SBF2: variants seen among roughly 807,000 people sequenced by gnomAD.
SBF2 encodes the protein myotubularin-related protein 13.
In SBF2, 112 loss-of-function variants were observed where a neutral mutation model predicts 225.2. The observed-to-expected ratio is 0.50, with a 90% confidence interval of 0.43 to 0.58. SBF2 has a LOEUF of 0.58. SBF2 is among the 20% of genes least tolerant of loss of function. The probability of loss-of-function intolerance (pLI) is 0.00; values close to 1 mark genes in which losing one functional copy is unlikely to be tolerated. For missense variants in SBF2, 1,996 were observed against 2,206.2 expected (o/e 0.90, Z 1.91); for synonymous variants, 763 against 773.3 (o/e 0.99, Z 0.22).
rs374502146 is a variant in SBF2 at position 9,809,403 on chromosome 11, C to CA, written c.4156-402dup. 6.1e-3 allele frequency: 1,064 copies of CA among 173,124 alleles called. 5 individuals are homozygous for CA. Among genetic ancestry groups the CA allele is most frequent in the Middle Eastern group, 0.025 (9 of 362 alleles). 10.7% of individuals were successfully genotyped at this position (173,124 alleles called of 1,614,324 possible). On this transcript the variant is annotated intron_variant, in intron 30 of 39. Transcript: ENST00000256190. ...ATAAAATTACCTTACATGATTCCCC[C>CA]AAAAGTAGGTGAGCTATAATTCCAT...
At position 9,911,457 on chromosome 11, in the gene SBF2, C is replaced by T. The variant is rs758991345; in HGVS notation, c.1861-15446G>A. Reference sequence around the variant, plus strand: ...ATATTTTTGTATGGCTATACAATACCGTGGCTTTTAAGCTAAGTGTTATTA... The same window carrying T: ...ATATTTTTGTATGGCTATACAATACTGTGGCTTTTAAGCTAAGTGTTATTA... On this transcript the variant is annotated intron_variant, in intron 16 of 39. Coordinates refer to ENST00000256190, the MANE Select transcript of SBF2 (RefSeq NM_030962.4). 5.9e-5 allele frequency among the ~76,000 whole-genome samples: 9 copies of T among 151,632 alleles called. No homozygotes were observed. The South Asian group carries it at 1.3e-3, about 21-fold the overall frequency.
intron 32 of SBF2, among the ~76,000 whole-genome samples, chr11:9,806,483 C>T (rs867924906): frequency 1.1e-4 from 16 of 152,328 alleles, no homozygotes; most frequent in Middle Eastern, 6.8e-3. Context: ...CCTTTGGCCT[C>T]AGGTAAGCTT....
intron 17 of SBF2, among the ~76,000 whole-genome samples, chr11:9,889,456 C>T: frequency 6.6e-6 from 1 of 152,010 alleles, no homozygotes; most frequent in Non-Finnish European, 1.5e-5. Flanking sequence ...TAAAATTCAG[C>T]AATAAAGAAA....
At chr11:9,869,238 C>T (rs1035370184) in intron 17 of SBF2, among the ~76,000 whole-genome samples, 10 of 152,142 alleles carry the variant, frequency 6.6e-5, no homozygotes, top group Admixed American at 6.5e-4. Flanking sequence ...AAAACATATT[C>T]GATTCACTAT....
At chr11:10,184,120 T>C (rs1453485492) in intron 2 of SBF2, among the ~76,000 whole-genome samples, 1 of 152,196 alleles carries the variant, frequency 6.6e-6, no homozygotes, top group Admixed American at 6.5e-5. Context: ...AATTATTACA[T>C]ATCAACTAAA....
At chr11:9,909,498 C>T (rs1005564623) in intron 16 of SBF2, among the ~76,000 whole-genome samples, 3 of 151,790 alleles carry the variant, frequency 2.0e-5, no homozygotes, top group Admixed American at 1.3e-4. Context: ...AGTGAAACCC[C>T]ACCTCTACTA....
At chr11:9,828,077 T>C in intron 28 of SBF2, 1 of 1,116,778 alleles carries the variant, frequency 9.0e-7, no homozygotes, top group Non-Finnish European at 1.2e-6. Context: ...AAATGCTTTC[T>C]GCTTTTAAGC....
At chr11:10,088,237 C>A (rs968718950) in intron 2 of SBF2, among the ~76,000 whole-genome samples, 1 of 152,002 alleles carries the variant, frequency 6.6e-6, no homozygotes. Context: ...GTTGCCCAGG[C>A]TGGTCTCAAA....
chr11:10,031,239 A>T (rs770686651), intron 3 of SBF2, 69 bp from the exon 4 acceptor site: 2 of 1,434,698 alleles, frequency 1.4e-6, no homozygotes, highest in African/African-American at 2.8e-5. Context: ...CAAAAGATGA[A>T]TATCACCTTA....
chr11:9,832,445 A>C, intron 26 of SBF2, 25 bp from the exon 27 acceptor site: 1 of 1,562,020 alleles, frequency 6.4e-7, no homozygotes, highest in Non-Finnish European at 8.8e-7. Context: ...AATAGAGAAG[A>C]GAATGATTGG....
intron 2 of SBF2, among the ~76,000 whole-genome samples, chr11:10,147,184 G>C (rs187558616): frequency 3.2e-4 from 48 of 152,192 alleles, no homozygotes; most frequent in African/African-American, 1.1e-3. Flanking sequence ...GCTAAAAGCA[G>C]AACTATCATT....
At chr11:10,175,832 CA>C (rs2135266669) in intron 2 of SBF2, among the ~76,000 whole-genome samples, 1 of 152,036 alleles carries the variant, frequency 6.6e-6, no homozygotes, top group African/African-American at 2.4e-5. Context: ...ACAGTGCAAT[CA>C]AACTAGAACT....
At chr11:10,027,000 C>T (rs1220796356) in intron 6 of SBF2, among the ~76,000 whole-genome samples, 1 of 152,078 alleles carries the variant, frequency 6.6e-6, no homozygotes, top group Non-Finnish European at 1.5e-5. Context: ...TTACAGTGTA[C>T]AACACGATGT....
intron 13 of SBF2, among the ~76,000 whole-genome samples, chr11:9,988,573 C>G (rs1301869958): frequency 6.6e-6 from 1 of 151,922 alleles, no homozygotes; most frequent in Non-Finnish European, 1.5e-5. Context: ...AAAAACAATC[C>G]CATCCAAAAG....
rs114783173 is a variant in SBF2 at position 10,139,866 on chromosome 11, A to G, written c.141+54036T>C. Among the ~76,000 whole-genome samples the G allele has an allele frequency of 3.0e-3, 462 of 152,310 alleles. 4 individuals are homozygous for G. The highest frequency in any genetic ancestry group is 0.011 in the African/African-American group (451 of 41,572). On this transcript the variant is annotated intron_variant, in intron 2 of 39. Transcript: ENST00000256190. ...CTACATTCCTGTGTGGCTACTGGCT[A>G]GATCATTCTGCTCCTACCCACTGGG...
At chr11:10,131,252 G>C (rs1275702307) in intron 2 of SBF2, among the ~76,000 whole-genome samples, 1 of 150,434 alleles carries the variant, frequency 6.6e-6, no homozygotes, top group Non-Finnish European at 1.5e-5. Flanking sequence ...TAAAGATAGG[G>C]TCTGGCTCTG....
intron 2 of SBF2, among the ~76,000 whole-genome samples, chr11:10,181,116 T>C (rs1367459601): frequency 1.3e-5 from 2 of 152,084 alleles, no homozygotes; most frequent in Non-Finnish European, 2.9e-5. Flanking sequence ...ACCATCCTAA[T>C]TGGAATCTAG....
chr11:9,872,681 T>A (rs1050763194), intron 17 of SBF2, among the ~76,000 whole-genome samples: 2 of 152,064 alleles, frequency 1.3e-5, no homozygotes, highest in Non-Finnish European at 2.9e-5. Flanking sequence ...GGAACTCTCA[T>A]ACACTGCTGA....
At chr11:10,137,443 G>C in intron 2 of SBF2, among the ~76,000 whole-genome samples, 1 of 152,178 alleles carries the variant, frequency 6.6e-6, no homozygotes, top group East Asian at 1.9e-4. Context: ...TTGAATAGCA[G>C]TAGTGAGAGC....
Sources: gnomAD v4.1 joint callset for allele counts (sites outside exome capture counted in the v4.1 genomes callset) on GRCh38, gnomAD v4.1.1 for gene constraint, MANE v1.5 for transcripts, NCBI Gene and HGNC (gene_info 2026-07-23, HGNC 2026-07-21) for gene names.